The following NEK5 variants were observed in gnomAD, a reference collection of about 807,000 sequenced individuals.
NEK5 encodes the protein NIMA related kinase 5, also known as serine/threonine-protein kinase Nek5.
NEK5 carries 88 observed loss-of-function variants against 109.2 expected under a neutral mutation model. The ratio of observed to expected loss-of-function variants is 0.81; its 90% CI spans 0.68 to 0.96. The LOEUF is 0.96. NEK5 is among the 40% of genes least tolerant of loss of function. The pLI is 0.00. For synonymous variants in NEK5, 283 were observed against 299.9 expected, an observed-to-expected ratio of 0.94 and a Z score of 0.58; for missense variants, 834 against 920.7, an observed-to-expected ratio of 0.91 and a Z score of 1.22.
intron 23 of NEK5, among the ~76,000 whole-genome samples, chr13:52,038,957 G>C (rs1447109967): frequency 2.0e-5 from 3 of 152,096 alleles, no homozygotes; most frequent in Non-Finnish European, 4.4e-5. Flanking sequence ...TAATGGGAGA[G>C]AGTTGGGCAT....
chr13:52,105,830 G>A (rs889102359), intron 8 of NEK5, among the ~76,000 whole-genome samples: 1 of 152,120 alleles, frequency 6.6e-6, no homozygotes, highest in African/African-American at 2.4e-5. Context: ...ATTTTCAGAG[G>A]TACAAACTAT....
intron 9 of NEK5, among the ~76,000 whole-genome samples, chr13:52,102,824 TTCTG>T (rs1955568915): frequency 6.6e-6 from 1 of 152,228 alleles, no homozygotes; most frequent in Non-Finnish European, 1.5e-5. Context: ...TTTGTTTTAA[TTCTG>T]TCTTATTATC....
At chr13:52,105,305 C>A (rs147578919) in intron 8 of NEK5, among the ~76,000 whole-genome samples, 209 of 151,068 alleles carry the variant, frequency 1.4e-3, no homozygotes, top group Non-Finnish European at 2.0e-3. Context: ...TAGACTCATA[C>A]TAAAAGTTTG....
chr13:52,071,948 T>C lies in NEK5; in HGVS notation c.1845A>G (p.Glu615=). 1 of 1,613,396 alleles carries C rather than the reference T, an allele frequency of 6.2e-7. No individual in the cohort carries two copies. Among genetic ancestry groups the C allele is most frequent in the South Asian group, 1.1e-5 (1 of 91,020 alleles). ...CAACTTTCAAGAAACACATACCTGC[T>C]TCTGGGCAGTGAAGTTTTTCAAATG... is the stretch of plus-strand genomic sequence containing the variant. ...DKAFEKLHCP[E]AGFSTQTVAA... The change falls in exon 20 of 24, where the codon GAA becomes GAG. Residue 615 remains glutamate (E), a synonymous_variant. Coordinates refer to ENST00000684899, the MANE Select transcript of NEK5 (RefSeq NM_001365552.1).
chr13:52,061,715 A>G, intron 22 of NEK5, 104 bp downstream of exon 22: 1 of 337,148 alleles, frequency 3.0e-6, no homozygotes, highest in Non-Finnish European at 4.2e-6. Context: ...CACCCTCCCA[A>G]TTCTCTCTCC....
chr13:52,083,128 G>A (rs990820525), intron 17 of NEK5, 132 bp downstream of exon 17: 5 of 597,988 alleles, frequency 8.4e-6, no homozygotes, highest in African/African-American at 5.6e-5. Flanking sequence ...CCTGGCGACA[G>A]AGTGAGACTC....
At chr13:52,042,153 A>C (rs1954420069) in intron 23 of NEK5, among the ~76,000 whole-genome samples, 1 of 152,050 alleles carries the variant, frequency 6.6e-6, no homozygotes, top group African/African-American at 2.4e-5. Flanking sequence ...CAGCAAAATT[A>C]CTGCTGAAGA....
intron 19 of NEK5, among the ~76,000 whole-genome samples, chr13:52,074,360 C>T (rs979266832): frequency 3.3e-5 from 5 of 151,894 alleles, no homozygotes; most frequent in African/African-American, 1.2e-4. Flanking sequence ...TTGACAAAAT[C>T]GACAAAAATA....
chr13:52,109,014 C>T (rs1234254115), intron 7 of NEK5, among the ~76,000 whole-genome samples: 3 of 152,188 alleles, frequency 2.0e-5, no homozygotes, highest in Non-Finnish European at 2.9e-5. Context: ...ATTATTTAGG[C>T]ATTTACGTTA....
At chr13:52,109,078 A>C (rs1273330185) in intron 7 of NEK5, among the ~76,000 whole-genome samples, 1 of 152,222 alleles carries the variant, frequency 6.6e-6, no homozygotes, top group Admixed American at 6.5e-5. Context: ...GGATATTTAA[A>C]AATCTCTTGG....
chr13:52,051,344 C>T (rs1342456893), intron 22 of NEK5, among the ~76,000 whole-genome samples: 2 of 152,118 alleles, frequency 1.3e-5, no homozygotes, highest in African/African-American at 4.8e-5. Flanking sequence ...TCCCTTTTGC[C>T]ATTTTCAATA....
intron 16 of NEK5, among the ~76,000 whole-genome samples, chr13:52,084,750 AGAGAGAGAGAGAGTGTGT>A (rs1955095224): frequency 2.0e-5 from 1 of 51,196 alleles, no homozygotes; most frequent in South Asian, 5.9e-4. Flanking sequence ...AGAGAGAGAG[AGAGAGAGAGAGAGTGTGT>A]GTGTGTGTGT....
At chr13:52,055,007 T>C (rs1361024713) in intron 22 of NEK5, among the ~76,000 whole-genome samples, 9 of 148,756 alleles carry the variant, frequency 6.1e-5, no homozygotes, top group Admixed American at 2.7e-4. Flanking sequence ...CTCCGAGCTA[T>C]GGGAGGACAT....
intron 9 of NEK5, 100 bp from the exon 10 acceptor site, chr13:52,102,392 A>C: frequency 1.0e-6 from 1 of 955,014 alleles, no homozygotes; most frequent in Non-Finnish European, 1.7e-6. Flanking sequence ...AAGCAAAACA[A>C]TGTTTTTAAA....
Position 52,061,958 on chromosome 13 carries a change from A to G in NEK5, c.1976-5T>C. 1.9e-6 allele frequency: 1 copy of G among 518,242 alleles called. No homozygotes were observed. Among genetic ancestry groups the G allele is most frequent in the Non-Finnish European group, 2.5e-6 (1 of 402,520 alleles). The allele number at this position is 518,242 out of a possible 1,614,324, so 32.1% of individuals were successfully genotyped here. A position where few individuals can be genotyped will look rare whatever the true frequency, so the allele number is the denominator to read the frequency against. On this transcript the variant is annotated splice_polypyrimidine_tract_variant and splice_region_variant and intron_variant, in intron 21 of 23. Transcript: ENST00000684899. ...CAATCACAATAACTTGGCCATCTGA[A>G]GAGGAAAGTGTTATTAAAAATAAAA...
rs967759977 is a variant in NEK5 at position 52,061,848 on chromosome 13, C to T, written c.2081G>A (p.Ser694Asn). Residue 694 changes from serine to asparagine, a missense_variant, in exon 22 of 24, where the codon AGT becomes AAT. By Grantham distance (46) the Ser-to-Asn change is conservative. Transcript: ENST00000684899. ...TTCTTCATCGGCAGAAAATGAGCTA[C>T]TCGTTAGATGTGCTGCTGCCAAAAC... ...MSVLAAAHLT[S>N]SSFSADEEFA... is the part of the protein sequence containing the mutation. 2 of 985,690 alleles carry T rather than the reference C, an allele frequency of 2.0e-6. No individual in the cohort carries two copies. Among genetic ancestry groups the T allele is most frequent in the African/African-American group, 3.5e-5 (2 of 57,238 alleles). The allele number at this position is 985,690 out of a possible 1,614,324, so 61.1% of individuals were successfully genotyped here.
intron 22 of NEK5, among the ~76,000 whole-genome samples, chr13:52,051,617 T>G (rs1237760468): frequency 6.6e-6 from 1 of 152,190 alleles, no homozygotes; most frequent in Admixed American, 6.5e-5. Context: ...GAGTCACTGA[T>G]AAAAGCTGTA....
intron 22 of NEK5, among the ~76,000 whole-genome samples, chr13:52,058,484 T>C (rs1292632121): frequency 1.8e-4 from 28 of 151,630 alleles, no homozygotes; most frequent in African/African-American, 6.3e-4. Context: ...AAAAAGAGCC[T>C]GCATCGCCAA....
chr13:52,051,575 G>A (rs750760612), intron 22 of NEK5, among the ~76,000 whole-genome samples: 1 of 152,132 alleles, frequency 6.6e-6, no homozygotes, highest in Non-Finnish European at 1.5e-5. Context: ...TACTGTGAGA[G>A]AGAACTGATT....
Sources: gnomAD v4.1 joint callset for allele counts (sites outside exome capture counted in the v4.1 genomes callset) on GRCh38, gnomAD v4.1.1 for gene constraint, MANE v1.5 for transcripts, NCBI Gene and HGNC (gene_info 2026-07-23, HGNC 2026-07-21) for gene names.